Variants in PUS10 observed in about 807,000 individuals in gnomAD.
PUS10 encodes the protein pseudouridine synthase 10, also known as tRNA pseudouridine synthase Pus10.
A neutral mutation model predicts 75.0 loss-of-function variants in PUS10; 59 were observed. The ratio of observed to expected loss-of-function variants is 0.79; its 90% confidence interval spans 0.64 to 0.98. PUS10 has a LOEUF of 0.98. Among genes scored for constraint, PUS10 ranks in the 50% least tolerant of loss-of-function variants. PUS10 has a pLI of 0.00. For synonymous variants in PUS10, 219 were observed against 211.6 expected, an observed-to-expected ratio of 1.03 and a Z score of -0.30; for missense variants, 650 against 614.4, an observed-to-expected ratio of 1.06 and a Z score of -0.61.
At chr2:60,967,196 T>TTGCTTTGCATCAAGTCTGA (rs1305879612) in intron 6 of PUS10, 3 of 250,878 alleles carry the variant, frequency 1.2e-5, no homozygotes, top group Non-Finnish European at 1.5e-5. Context: ...TATTTATATG[T>TTGCTTTGCATCAAGTCTGA]TGCTTTGCAT....
At chr2:60,971,449 G>A in intron 5 of PUS10, 74 bp downstream of exon 5, 1 of 1,278,168 alleles carries the variant, frequency 7.8e-7, no homozygotes, top group South Asian at 1.2e-5. Context: ...AGAGATTGTA[G>A]TAGTAAAAGT....
chr2:60,953,858 A>T (rs577708623), intron 14 of PUS10, 75 bp downstream of exon 14: 7 of 1,093,050 alleles, frequency 6.4e-6, no homozygotes, highest in South Asian at 3.8e-5. Flanking sequence ...TTCTGGATGC[A>T]ATTCCCTTAT....
chr2:60,991,765 C>A (rs565860893), intron 4 of PUS10, among the ~76,000 whole-genome samples: 1 of 152,240 alleles, frequency 6.6e-6, no homozygotes, highest in East Asian at 1.9e-4. Flanking sequence ...CAAAAGAATT[C>A]TCATTATCCC....
In PUS10 at chr2:61,017,773, C is replaced by T. The variant is rs898062680; in HGVS notation, c.-16+235G>A. 1.2e-5 allele frequency: 18 copies of T among 1,549,670 alleles called. No homozygotes were observed. Among genetic ancestry groups the T allele is most frequent in the Non-Finnish European group, 1.5e-5 (17 of 1,146,754 alleles). ...GAGGCGGAGGAGATGGCGTCCCAGC[C>T]GCCACCTCCCCCCAAACCCTGGGAG... On this transcript the variant is annotated intron_variant, in intron 1 of 17. Coordinates refer to ENST00000316752, the MANE Select transcript of PUS10 (RefSeq NM_144709.4).
chr2:61,003,563 GAGACAGGGTCTTGCCCTGTCACCCAGGC>G (rs1678998078), intron 4 of PUS10, among the ~76,000 whole-genome samples: 1 of 105,878 alleles, frequency 9.4e-6, no homozygotes, highest in South Asian at 2.9e-4. Flanking sequence ...TTTTTTTTTT[GAGACAGGGTCTTGCCCTGTCACCCAGGC>G]TAGAGTACAG....
intron 4 of PUS10, among the ~76,000 whole-genome samples, chr2:60,980,075 G>A (rs1358552490): frequency 6.6e-6 from 1 of 152,108 alleles, no homozygotes; most frequent in Non-Finnish European, 1.5e-5. Flanking sequence ...CAGGGAGGGG[G>A]ATCAGAAAAG....
At chr2:60,984,257 A>G (rs1293697270) in intron 4 of PUS10, among the ~76,000 whole-genome samples, 1 of 152,200 alleles carries the variant, frequency 6.6e-6, no homozygotes, top group Non-Finnish European at 1.5e-5. Context: ...ATGTCCAAAG[A>G]GCACTTACTA....
At chr2:60,954,265 A>G in intron 12 of PUS10, 107 bp from the exon 13 acceptor site, 1 of 965,530 alleles carries the variant, frequency 1.0e-6, no homozygotes, top group Non-Finnish European at 1.6e-6. Context: ...GCTCTAGAGG[A>G]CTGAAAGTTT....
chr2:60,942,800 G>A (rs943516414), intron 17 of PUS10, among the ~76,000 whole-genome samples: 3 of 152,038 alleles, frequency 2.0e-5, no homozygotes, highest in Admixed American at 2.0e-4. Flanking sequence ...CATGATCAAG[G>A]TGGGCAGACC....
At chr2:60,947,713 C>T (rs1453884337) in intron 16 of PUS10, among the ~76,000 whole-genome samples, 1 of 151,328 alleles carries the variant, frequency 6.6e-6, no homozygotes, top group Non-Finnish European at 1.5e-5. Flanking sequence ...CCTGTAGTCC[C>T]AGCTACTCGG....
intron 5 of PUS10, among the ~76,000 whole-genome samples, chr2:60,969,059 G>C (rs1676508507): frequency 6.6e-6 from 1 of 152,126 alleles, no homozygotes; most frequent in South Asian, 2.1e-4. Context: ...CACAAGAATG[G>C]AAACAATTTT....
At chr2:61,002,812 A>G (rs535942803) in intron 4 of PUS10, among the ~76,000 whole-genome samples, 57 of 152,346 alleles carry the variant, frequency 3.7e-4, no homozygotes, top group African/African-American at 1.3e-3. Flanking sequence ...TATTATTAAA[A>G]TGTTTATGCC....
At chr2:60,965,640 G>A in intron 6 of PUS10, 156 bp from the exon 7 acceptor site, 1 of 545,420 alleles carries the variant, frequency 1.8e-6, no homozygotes, top group Admixed American at 3.7e-5. Flanking sequence ...TTGTTATCAG[G>A]GCAGCTGTAA....
At chr2:60,966,556 GAT>G (rs1358450981) in intron 6 of PUS10, 2 of 152,116 alleles carry the variant, frequency 1.3e-5, no homozygotes, top group Non-Finnish European at 2.9e-5. Context: ...TGTTCTCACT[GAT>G]ACAACATGTA....
chr2:60,965,664 G>GTTT, intron 6 of PUS10, 180 bp from the exon 7 acceptor site: 4 of 367,652 alleles, frequency 1.1e-5, no homozygotes, highest in Non-Finnish European at 1.9e-5. Flanking sequence ...AAATAGTTTT[G>GTTT]TTTTTTTTTT....
At chr2:61,006,218 C>A (rs559708811) in intron 4 of PUS10, among the ~76,000 whole-genome samples, 7 of 152,272 alleles carry the variant, frequency 4.6e-5, no homozygotes, top group African/African-American at 1.7e-4. Context: ...ATGCACATAT[C>A]CACCTCAAAA....
chr2:60,964,940 C>T lies in PUS10; in HGVS notation c.723+118G>A. On this transcript the variant is annotated intron_variant, in intron 8 of 17. Coordinates refer to ENST00000316752, the MANE Select transcript of PUS10 (RefSeq NM_144709.4). ...TGTAGCAAATGGAAATATTTAAAAG[C>T]TGATTCTTAGTATAATAGAGTTGCC... is the stretch of plus-strand genomic sequence containing the variant. The T allele has an allele frequency of 3.4e-6, 3 of 875,934 alleles. No homozygotes were observed. The South Asian group carries it at 4.8e-5, about 14-fold the overall frequency. 54.3% of individuals were successfully genotyped at this position (875,934 alleles called of 1,614,324 possible). A position where few individuals can be genotyped will look rare whatever the true frequency, so the allele number is the denominator to read the frequency against.
intron 17 of PUS10, chr2:60,944,076 C>T (rs766652244): frequency 4.7e-6 from 1 of 211,180 alleles, no homozygotes; most frequent in African/African-American, 2.4e-5. Context: ...TGCAGTGACC[C>T]GTGATCGCAC....
chr2:60,975,734 C>A (rs1455255817), intron 4 of PUS10, among the ~76,000 whole-genome samples: 2 of 149,982 alleles, frequency 1.3e-5, no homozygotes, highest in Non-Finnish European at 3.0e-5. Flanking sequence ...TTGTCCCGCC[C>A]TTCCTTCAGC....
Sources: allele counts gnomAD v4.1 joint callset (sites outside exome capture counted in the v4.1 genomes callset), GRCh38; gene constraint gnomAD v4.1.1; transcripts MANE v1.5; gene names NCBI Gene and HGNC (gene_info 2026-07-23, HGNC 2026-07-21).